Variants in PDE6A observed in about 807,000 individuals in gnomAD.
The protein encoded by PDE6A is rod cGMP-specific 3',5'-cyclic phosphodiesterase subunit alpha.
PDE6A carries 84 observed loss-of-function variants against 106.3 expected under a neutral mutation model. That is an observed-to-expected ratio of 0.79 (90% CI 0.66 to 0.95). PDE6A has a LOEUF of 0.95. Among genes scored for constraint, PDE6A ranks in the 40% least tolerant of loss-of-function variants. The pLI is 0.00. For missense variants in PDE6A, 1,052 were observed against 1,084.9 expected (o/e 0.97, Z 0.43); for synonymous variants, 394 against 386.6 (o/e 1.02, Z -0.23).
intron 3 of PDE6A, chr5:149,932,013 C>A (rs1318653364): frequency 6.7e-7 from 1 of 1,500,030 alleles, no homozygotes; most frequent in South Asian, 1.1e-5. Context: ...TTACCTCTAG[C>A]GGCAAAACCA....
At chr5:149,921,543 C>T (rs1201090374) in intron 5 of PDE6A, 92 bp downstream of exon 5, 11 of 951,958 alleles carry the variant, frequency 1.2e-5, no homozygotes, top group Middle Eastern at 4.2e-4. Context: ...AAGACAAATA[C>T]CTATATGCTA....
rs1422701473 is a variant in PDE6A at position 149,863,874 on chromosome 5, T to C, written c.2359-608A>G. Among the ~76,000 whole-genome samples the C allele has an allele frequency of 6.6e-6, 1 of 152,228 alleles. No homozygotes were observed. The highest frequency in any genetic ancestry group is 1.5e-5 in the Non-Finnish European group (1 of 68,042). On this transcript the variant is annotated intron_variant, in intron 20 of 21. Transcript: ENST00000255266. The surrounding 1 kb of genome is among the most constrained non-coding windows in gnomAD (Gnocchi z 4.7). ...CCTGGCCTCAAGTGATTCTTCTGCC[T>C]TGGCTTCTCAAAGTGCTGGGATTAC...
At chr5:149,869,273 G>C (rs1056334754) in intron 17 of PDE6A, among the ~76,000 whole-genome samples, 9 of 151,468 alleles carry the variant, frequency 5.9e-5, no homozygotes, top group Non-Finnish European at 1.0e-4. Flanking sequence ...GAGGTTGCAG[G>C]GAGCTGAGAT....
At chr5:149,907,401 G>C in intron 6 of PDE6A, 23 bp from the exon 7 acceptor site, 1 of 1,601,458 alleles carries the variant, frequency 6.2e-7, no homozygotes, top group Non-Finnish European at 8.6e-7. Flanking sequence ...AAGACAAAAC[G>C]GTGACTCTCA....
Position 149,876,584 on chromosome 5 carries a change from A to G in PDE6A, c.2135+6845T>C, listed in dbSNP as rs1401229865. Among the ~76,000 whole-genome samples, 4 of 151,664 alleles carry G rather than the reference A, an allele frequency of 2.6e-5. No homozygotes were observed. In the East Asian group the frequency reaches 7.8e-4, roughly 29 times the overall value. On this transcript the variant is annotated intron_variant, in intron 17 of 21. Coordinates refer to ENST00000255266, the MANE Select transcript of PDE6A (RefSeq NM_000440.3). ...GTGGTTCCATACCGGCTCACTGCAA[A>G]CTCCGCCTCCCCGGTTCAAGCGGTT... is the stretch of plus-strand genomic sequence containing the variant.
chr5:149,939,301 G>A (rs73269798), intron 1 of PDE6A, among the ~76,000 whole-genome samples: 6,248 of 152,150 alleles, frequency 0.041, 404 homozygotes, highest in African/African-American at 0.14. Context: ...TAGCACAGAG[G>A]CTCCAAAAAC....
At chr5:149,881,017 C>T (rs1194742064) in intron 17 of PDE6A, among the ~76,000 whole-genome samples, 4 of 152,092 alleles carry the variant, frequency 2.6e-5, no homozygotes, top group Admixed American at 2.0e-4. Flanking sequence ...GAGCCGAGAT[C>T]GTGCTGCTGT....
At chr5:149,900,375 G>A (rs376423713) in intron 8 of PDE6A, among the ~76,000 whole-genome samples, 167 of 82,498 alleles carry the variant, frequency 2.0e-3, no homozygotes, top group East Asian at 0.011. Context: ...AAATATATAT[G>A]TATATATATA....
At chr5:149,940,367 C>T (rs1309560874) in intron 1 of PDE6A, among the ~76,000 whole-genome samples, 1 of 152,164 alleles carries the variant, frequency 6.6e-6, no homozygotes, top group African/African-American at 2.4e-5. Context: ...AGAACCATTG[C>T]CCGGCCCCTG....
intron 5 of PDE6A, among the ~76,000 whole-genome samples, chr5:149,919,443 G>A (rs909741668): frequency 6.6e-5 from 10 of 152,200 alleles, no homozygotes; most frequent in African/African-American, 2.4e-4. Flanking sequence ...AGGAGGCGGA[G>A]GTTGCAGTGA....
chr5:149,883,016 C>T (rs1274974986), intron 17 of PDE6A, among the ~76,000 whole-genome samples: 1 of 152,170 alleles, frequency 6.6e-6, no homozygotes, highest in Non-Finnish European at 1.5e-5. Context: ...CGAGATCGCA[C>T]CACTACACTC....
In PDE6A at chr5:149,932,225, A is replaced by C. The variant is rs112080073; in HGVS notation, c.718-1057T>G. On this transcript the variant is annotated intron_variant, in intron 3 of 21. Coordinates refer to ENST00000255266, the MANE Select transcript of PDE6A (RefSeq NM_000440.3). Reference sequence around the variant, plus strand: ...TTGTATCTGTATTTGAAATGCCATAAAGAGAATCATTTCTGACCAGCTGTC... The same window carrying C: ...TTGTATCTGTATTTGAAATGCCATACAGAGAATCATTTCTGACCAGCTGTC... The C allele has an allele frequency of 1.4e-3, 1,906 of 1,346,554 alleles. 27 individuals carry two copies. In the African/African-American group the frequency reaches 0.026, roughly 19 times the overall value. 83.4% of individuals were successfully genotyped at this position (1,346,554 alleles called of 1,614,324 possible).
chr5:149,940,713 G>A lies in PDE6A; in HGVS notation c.474+3487C>T, dbSNP rs372257252. ...GGGTTTCACCATGTTGGCCAGGCTG[G>A]TTTCAAATTCCTGACCTCAAGTGAT... On this transcript the variant is annotated intron_variant, in intron 1 of 21. Coordinates refer to ENST00000255266, the MANE Select transcript of PDE6A (RefSeq NM_000440.3). Among the ~76,000 whole-genome samples the A allele has an allele frequency of 1.6e-4, 24 of 152,138 alleles. 2 individuals are homozygous for A. Among genetic ancestry groups the A allele is most frequent in the African/African-American group, 4.1e-4 (17 of 41,512 alleles).
At chr5:149,928,614 C>T (rs923136693) in intron 4 of PDE6A, among the ~76,000 whole-genome samples, 6 of 152,074 alleles carry the variant, frequency 3.9e-5, no homozygotes, top group East Asian at 1.9e-4. Flanking sequence ...GTGAAGAATG[C>T]GTTGCACTAT....
At chr5:149,941,881 T>A (rs1270495430) in intron 1 of PDE6A, among the ~76,000 whole-genome samples, 1 of 152,226 alleles carries the variant, frequency 6.6e-6, no homozygotes, top group Non-Finnish European at 1.5e-5. Flanking sequence ...CTTTATTTTT[T>A]AGCAATTTTT....
chr5:149,922,296 AATTATTATTATT>A (rs142378973), intron 4 of PDE6A, among the ~76,000 whole-genome samples: 2 of 148,900 alleles, frequency 1.3e-5, no homozygotes, highest in African/African-American at 2.5e-5. Context: ...ATTTACAACA[AATTATTATTATT>A]ATTATTATTA....
rs1284884737 is a variant in PDE6A, at chr5:149,931,028, C to T, written c.858G>A (p.Lys286=). 10 of 1,613,924 alleles carry T rather than the reference C, an allele frequency of 6.2e-6. No individual in the cohort carries two copies. The highest frequency in any genetic ancestry group is 8.5e-6 in the Non-Finnish European group (10 of 1,179,976). ...SVGLLDMTKQ[K]EFFDVWPVLM... is the part of the protein sequence containing the mutation. ...ATGTCTGTTGCTGAAGTTTTCTCAC[C>T]TTCTGCTTGGTCATGTCTAAGAGAC... Residue 286 remains lysine, a splice_region_variant and synonymous_variant, in exon 4 of 22, where the codon AAG becomes AAA. Coordinates refer to ENST00000255266, the MANE Select transcript of PDE6A (RefSeq NM_000440.3).
At position 149,926,631 on chromosome 5, in the gene PDE6A, A is replaced by T. The variant is rs147978019; in HGVS notation, c.858+4397T>A. 3.6e-3 allele frequency among the ~76,000 whole-genome samples: 542 copies of T among 152,330 alleles called. 7 individuals are homozygous for T. The highest frequency in any genetic ancestry group is 0.012 in the African/African-American group (492 of 41,572). On this transcript the variant is annotated intron_variant, in intron 4 of 21. Transcript: ENST00000255266. ...ATGACTATAAAGGAAAAGATTGATAAATTGAACTACATTATCATTCAGAAC... is the reference window on the plus strand; with the variant it reads ...ATGACTATAAAGGAAAAGATTGATATATTGAACTACATTATCATTCAGAAC...
intron 3 of PDE6A, among the ~76,000 whole-genome samples, 184 bp from the exon 4 acceptor site, chr5:149,931,352 T>A (rs1281210050): frequency 7.0e-6 from 1 of 143,842 alleles, no homozygotes; most frequent in Non-Finnish European, 1.5e-5. Flanking sequence ...TTAAAGTTTT[T>A]AATTTTTTTT....
Sources: allele counts gnomAD v4.1 joint callset (sites outside exome capture counted in the v4.1 genomes callset), GRCh38; gene constraint gnomAD v4.1.1; non-coding constraint Gnocchi (gnomAD v3.1); transcripts MANE v1.5; gene names NCBI Gene and HGNC (gene_info 2026-07-23, HGNC 2026-07-21).